RASGRF2: variants seen among roughly 807,000 people sequenced by gnomAD.
RASGRF2 encodes Ras protein specific guanine nucleotide releasing factor 2.
RASGRF2 carries 76 observed loss-of-function variants against 151.0 expected under a neutral mutation model. That is an observed-to-expected ratio of 0.50 (90% CI 0.42 to 0.61). RASGRF2 has a LOEUF of 0.61. RASGRF2 is among the 20% of genes least tolerant of loss of function. The pLI is 0.00. For missense variants in RASGRF2, 1,148 were observed against 1,564.6 expected, an observed-to-expected ratio of 0.73 and a Z score of 4.49; for synonymous variants, 504 against 566.5, an observed-to-expected ratio of 0.89 and a Z score of 1.57.
rs186696187 is a variant in RASGRF2, at chr5:81,216,122, A to G, written c.3434+167A>G. Among the ~76,000 whole-genome samples, 492 of 152,304 alleles carry G rather than the reference A, an allele frequency of 3.2e-3. 8 individuals are homozygous for G. The highest frequency in any genetic ancestry group is 0.031 in the Admixed American group (467 of 15,290). On this transcript the variant is annotated intron_variant, in intron 24 of 26. Transcript: ENST00000265080. Reference sequence around the variant, plus strand: ...TTTCTGATTGTCCTTATTATTTGGAATACTGTGCATACAGTAATTGTCTTA... The same window carrying G: ...TTTCTGATTGTCCTTATTATTTGGAGTACTGTGCATACAGTAATTGTCTTA...
intron 1 of RASGRF2, among the ~76,000 whole-genome samples, chr5:80,984,144 T>C (rs984505428): frequency 2.0e-5 from 3 of 152,218 alleles, no homozygotes; most frequent in Middle Eastern, 3.2e-3. Context: ...CACTGCAACC[T>C]CTGCCTCCCA....
At position 81,185,271 on chromosome 5, in the gene RASGRF2, AGCTAGCCTCC is replaced by A. The variant is rs1254668239; in HGVS notation, c.2793+4992_2793+5001del. Among the ~76,000 whole-genome samples, 4 of 152,204 alleles carry A rather than the reference AGCTAGCCTCC, an allele frequency of 2.6e-5. No homozygotes were observed. In the East Asian group the frequency reaches 7.7e-4, roughly 29 times the overall value. On this transcript the variant is annotated intron_variant, in intron 18 of 26. Transcript: ENST00000265080. ...GGGAAATGCTTCAAGGAAACCATCC[AGCTAGCCTCC>A]GTGTTAAGGTGAAAGGTGCTGGCTG...
At chr5:81,167,567 G>A (rs1365448804) in intron 17 of RASGRF2, among the ~76,000 whole-genome samples, 2 of 152,198 alleles carry the variant, frequency 1.3e-5, no homozygotes, top group Non-Finnish European at 2.9e-5. Context: ...CAGTGATAGT[G>A]GTGTTCTCCT....
chr5:81,100,621 T>C (rs1268370009), intron 12 of RASGRF2, among the ~76,000 whole-genome samples: 1 of 152,226 alleles, frequency 6.6e-6, no homozygotes, highest in Non-Finnish European at 1.5e-5. Flanking sequence ...CATTTGTGCT[T>C]GTCTCAGTGT....
At chr5:80,983,452 C>G (rs1191668912) in intron 1 of RASGRF2, among the ~76,000 whole-genome samples, 1 of 152,246 alleles carries the variant, frequency 6.6e-6, no homozygotes, top group East Asian at 1.9e-4. Flanking sequence ...GGCAGCTGCT[C>G]TTCATCCTGA....
At chr5:80,972,052 A>G (rs1052955876) in intron 1 of RASGRF2, among the ~76,000 whole-genome samples, 46 of 152,024 alleles carry the variant, frequency 3.0e-4, no homozygotes, top group Non-Finnish European at 1.2e-4. Flanking sequence ...ATTTATAGGT[A>G]GTATTCCTCT....
intron 25 of RASGRF2, among the ~76,000 whole-genome samples, chr5:81,217,907 T>A: frequency 6.6e-6 from 1 of 152,136 alleles, no homozygotes; most frequent in South Asian, 2.1e-4. Context: ...CACGCCTGGC[T>A]AATTTTTTGT....
intron 1 of RASGRF2, among the ~76,000 whole-genome samples, chr5:81,041,488 T>G (rs1370479862): frequency 3.3e-5 from 5 of 152,186 alleles, no homozygotes; most frequent in African/African-American, 1.2e-4. Flanking sequence ...ATGAGAATTC[T>G]CCACATCTTA....
intron 1 of RASGRF2, among the ~76,000 whole-genome samples, chr5:81,042,199 C>G (rs1309439064): frequency 6.6e-6 from 1 of 152,146 alleles, no homozygotes; most frequent in African/African-American, 2.4e-5. Flanking sequence ...GAGCCCAGTT[C>G]CTTTCATCCA....
In RASGRF2 at chr5:81,008,705, C is replaced by T. The variant is rs77892116; in HGVS notation, c.289-34172C>T. On this transcript the variant is annotated intron_variant, in intron 1 of 26. Coordinates refer to ENST00000265080, the MANE Select transcript of RASGRF2 (RefSeq NM_006909.3). Reference sequence around the variant, plus strand: ...TTCTCTTCTTCCCTCCCTCCTTCCTCTCCCTTTTGTAGCACCTCCTGTCTC... The same window carrying T: ...TTCTCTTCTTCCCTCCCTCCTTCCTTTCCCTTTTGTAGCACCTCCTGTCTC... Among the ~76,000 whole-genome samples the T allele has an allele frequency of 0.017, 2,570 of 152,230 alleles. 122 individuals are homozygous for T. The East Asian group carries it at 0.2, about 12-fold the overall frequency.
chr5:81,070,498 G>T lies in RASGRF2; in HGVS notation c.550G>T (p.Ala184Ser). 2.5e-6 allele frequency: 4 copies of T among 1,599,188 alleles called. No individual in the cohort carries two copies. Among genetic ancestry groups the T allele is most frequent in the Non-Finnish European group, 8.6e-7 (1 of 1,166,512 alleles). Residue 184 changes from alanine (A) to serine (S), a missense_variant, in exon 4 of 27, where the codon GCT (alanine) becomes TCT (serine). Around this residue, in one of 5 missense-constraint regions of RASGRF2, gnomAD observed 221 missense variants for 271.3 expected, o/e 0.81. Transcript: ENST00000265080. ...EIERLKSEIIALNKTKERMRP... is the reference protein window; with the variant it reads ...EIERLKSEIISLNKTKERMRP... ...GACCAACTTTGTGTTCCAGATTATT[G>T]CTCTTAATAAAACCAAAGAACGAAT...
intron 7 of RASGRF2, 152 bp from the exon 8 acceptor site, chr5:81,085,650 A>T: frequency 7.7e-7 from 1 of 1,290,560 alleles, no homozygotes; most frequent in Non-Finnish European, 1.0e-6. Context: ...AGTGTAGTTC[A>T]TTTTATTTGT....
intron 12 of RASGRF2, among the ~76,000 whole-genome samples, chr5:81,107,443 G>C (rs1202133097): frequency 6.6e-6 from 1 of 152,178 alleles, no homozygotes; most frequent in Non-Finnish European, 1.5e-5. Flanking sequence ...GAACCCATGA[G>C]ATAATTGTCC....
At chr5:81,103,347 G>A (rs1325638184) in intron 12 of RASGRF2, among the ~76,000 whole-genome samples, 2 of 151,908 alleles carry the variant, frequency 1.3e-5, no homozygotes, top group Admixed American at 1.3e-4. Flanking sequence ...TATAGCTATA[G>A]CATATATTCT....
At chr5:81,114,608 C>G (rs564699910) in intron 15 of RASGRF2, among the ~76,000 whole-genome samples, 1 of 152,230 alleles carries the variant, frequency 6.6e-6, no homozygotes, top group Non-Finnish European at 1.5e-5. Flanking sequence ...GCCTTCAGTT[C>G]TGTGAGACAT....
intron 15 of RASGRF2, among the ~76,000 whole-genome samples, chr5:81,119,812 C>A (rs1030309600): frequency 2.0e-5 from 3 of 152,218 alleles, no homozygotes; most frequent in African/African-American, 7.2e-5. Flanking sequence ...CATGCCTCTG[C>A]TTCTCACTGG....
At chr5:81,087,069 C>A (rs1258795182) in intron 9 of RASGRF2, 116 bp downstream of exon 9, 19 of 947,780 alleles carry the variant, frequency 2.0e-5, no homozygotes, top group Non-Finnish European at 3.0e-5. Flanking sequence ...CCGAAGGACC[C>A]CCCCACGGCC....
At chr5:80,982,254 G>A (rs919697466) in intron 1 of RASGRF2, among the ~76,000 whole-genome samples, 3 of 152,118 alleles carry the variant, frequency 2.0e-5, no homozygotes, top group African/African-American at 4.8e-5. Context: ...CATCTCTGCC[G>A]TCCTGAAAGC....
At chr5:81,043,077 C>CT (rs1554088676) in intron 2 of RASGRF2, 94 bp downstream of exon 2, 2 of 892,480 alleles carry the variant, frequency 2.2e-6, no homozygotes, top group Non-Finnish European at 3.5e-6. Context: ...ACTTGCAACT[C>CT]TAAGATGAGT....
Sources: gnomAD v4.1 joint callset for allele counts (sites outside exome capture counted in the v4.1 genomes callset) on GRCh38, gnomAD v4.1.1 for gene constraint, gnomAD v4.1.1 regional missense constraint, MANE v1.5 for transcripts, NCBI Gene and HGNC (gene_info 2026-07-23, HGNC 2026-07-21) for gene names.